COL28A1: variants seen among roughly 807,000 people sequenced by gnomAD.
The protein encoded by COL28A1 is collagen alpha-1(XXVIII) chain.
A neutral mutation model predicts 150.2 loss-of-function variants in COL28A1; 161 were observed. The observed-to-expected ratio is 1.07, with a 90% confidence interval of 0.94 to 1.22. The LOEUF is 1.22. Ranked by LOEUF, COL28A1 falls within the 50% of genes most tolerant of loss-of-function variation. The pLI, the probability that COL28A1 is intolerant of heterozygous loss-of-function variation, is 0.00. For synonymous variants in COL28A1, 552 were observed against 469.7 expected (o/e 1.18, Z -2.26); for missense variants, 1,617 against 1,388.3 (o/e 1.16, Z -2.62).
chr7:7,364,349 A>G (rs1399274671), intron 33 of COL28A1, among the ~76,000 whole-genome samples: 1 of 152,226 alleles, frequency 6.6e-6, no homozygotes, highest in African/African-American at 2.4e-5. Flanking sequence ...CCCTCCTCAG[A>G]AAATCAGGGT....
intron 13 of COL28A1, among the ~76,000 whole-genome samples, chr7:7,486,429 ATTTCTT>A (rs1292332417): frequency 6.6e-6 from 1 of 152,120 alleles, no homozygotes; most frequent in African/African-American, 2.4e-5. Context: ...AATGCCTTAT[ATTTCTT>A]TTTCTTGTCT....
At chr7:7,404,333 A>T (rs954012902) in intron 27 of COL28A1, among the ~76,000 whole-genome samples, 1 of 151,966 alleles carries the variant, frequency 6.6e-6, no homozygotes, top group Non-Finnish European at 1.5e-5. Flanking sequence ...TCTTTCAAAG[A>T]GTAAGTCAGA....
Position 7,392,113 on chromosome 7 carries a change from T to C in COL28A1, c.2137-10501A>G, listed in dbSNP as rs1012458711. Among the ~76,000 whole-genome samples, 95 of 152,356 alleles carry C rather than the reference T, an allele frequency of 6.2e-4. 1 individual carries two copies. The highest frequency in any genetic ancestry group is 2.2e-3 in the African/African-American group (91 of 41,582). Reference sequence around the variant, plus strand: ...TTGGTATGTTTCTGGCATTGGCTGGTGCTGGTTGTTCCTTTCCATGTTTAG... The same window carrying C: ...TTGGTATGTTTCTGGCATTGGCTGGCGCTGGTTGTTCCTTTCCATGTTTAG... On this transcript the variant is annotated intron_variant, in intron 27 of 34. Transcript: ENST00000399429.
At chr7:7,523,096 A>C (rs1307924532) in intron 4 of COL28A1, among the ~76,000 whole-genome samples, 2 of 152,106 alleles carry the variant, frequency 1.3e-5, no homozygotes, top group African/African-American at 4.8e-5. Flanking sequence ...TATAAAATAA[A>C]AAGTGCAATT....
chr7:7,412,631 C>A (rs145447980), intron 27 of COL28A1, among the ~76,000 whole-genome samples: 1 of 152,102 alleles, frequency 6.6e-6, no homozygotes, highest in East Asian at 1.9e-4. Flanking sequence ...TTCAATCATT[C>A]CTCACAACAA....
the COL28A1 span, among the ~76,000 whole-genome samples, chr7:7,543,664 C>A: frequency 6.6e-6 from 1 of 152,026 alleles, no homozygotes; most frequent in East Asian, 1.9e-4. Context: ...TGGATGCAAA[C>A]AACTTCAAGT....
Position 7,402,580 on chromosome 7 carries a change from G to A in COL28A1, c.2136+15279C>T, listed in dbSNP as rs112685681. 4.5e-4 allele frequency among the ~76,000 whole-genome samples: 68 copies of A among 152,274 alleles called. 3 individuals are homozygous for A. Among genetic ancestry groups the A allele is most frequent in the African/African-American group, 1.6e-3 (67 of 41,552 alleles). On this transcript the variant is annotated intron_variant, in intron 27 of 34. Transcript: ENST00000399429. ...TCTCACTATGAGATGAGATGAAAAC[G>A]TTGACACCAGTTCTATCAGGCACTA...
chr7:7,473,961 GTATA>G (rs1016566914), intron 15 of COL28A1, among the ~76,000 whole-genome samples: 1 of 148,040 alleles, frequency 6.8e-6, no homozygotes, highest in Admixed American at 6.8e-5. Context: ...TATATATACA[GTATA>G]TATAGTGTGT....
intron 13 of COL28A1, among the ~76,000 whole-genome samples, chr7:7,479,912 A>G (rs1331533501): frequency 6.6e-6 from 1 of 152,218 alleles, no homozygotes; most frequent in South Asian, 2.1e-4. Flanking sequence ...GTAGTAAAGG[A>G]ACTTACAACA....
intron 23 of COL28A1, among the ~76,000 whole-genome samples, chr7:7,436,144 C>T (rs1328044050): frequency 6.6e-6 from 1 of 152,158 alleles, no homozygotes; most frequent in African/African-American, 2.4e-5. Flanking sequence ...GTATCACTGA[C>T]AGTGCAAAAG....
upstream of COL28A1, among the ~76,000 whole-genome samples, chr7:7,537,212 C>T (rs1583597960): frequency 1.3e-5 from 2 of 152,260 alleles, no homozygotes; most frequent in African/African-American, 4.8e-5. Context: ...AGGAACCAGC[C>T]CTGGACAGGA....
chr7:7,401,204 T>A (rs927134168), intron 27 of COL28A1, among the ~76,000 whole-genome samples: 1 of 152,108 alleles, frequency 6.6e-6, no homozygotes, highest in Admixed American at 6.6e-5. Context: ...ATCTCAGCCT[T>A]CTTTGCCAGG....
chr7:7,470,722 C>A (rs1788336346), intron 15 of COL28A1, among the ~76,000 whole-genome samples: 1 of 107,774 alleles, frequency 9.3e-6, no homozygotes, highest in Non-Finnish European at 1.8e-5. Context: ...AAATGTCCAA[C>A]AATGATAGAC....
chr7:7,513,397 C>G (rs1262580426), intron 8 of COL28A1, among the ~76,000 whole-genome samples: 1 of 152,184 alleles, frequency 6.6e-6, no homozygotes, highest in Non-Finnish European at 1.5e-5. Context: ...TTTCCATTAA[C>G]CTGACATTTC....
intron 27 of COL28A1, among the ~76,000 whole-genome samples, chr7:7,416,331 A>C (rs573159448): frequency 6.6e-6 from 1 of 152,226 alleles, no homozygotes; most frequent in Admixed American, 6.5e-5. Context: ...AAGCCAGATA[A>C]GTTATAGTCG....
intron 21 of COL28A1, among the ~76,000 whole-genome samples, chr7:7,439,136 T>C (rs900272229): frequency 6.6e-6 from 1 of 152,224 alleles, no homozygotes; most frequent in African/African-American, 2.4e-5. Flanking sequence ...TCCTGCTTCC[T>C]CCAGCAGGGA....
intron 3 of COL28A1, among the ~76,000 whole-genome samples, chr7:7,529,504 G>A (rs1201744924): frequency 6.6e-6 from 1 of 152,158 alleles, no homozygotes; most frequent in Non-Finnish European, 1.5e-5. Flanking sequence ...ACAAGCTGAA[G>A]TCGCCGGATG....
chr7:7,454,352 G>A (rs761379838), intron 16 of COL28A1, among the ~76,000 whole-genome samples: 1 of 152,140 alleles, frequency 6.6e-6, no homozygotes. Flanking sequence ...TAACTGCATA[G>A]ACAGAGGTTA....
chr7:7,486,075 T>G (rs553988737), intron 13 of COL28A1, among the ~76,000 whole-genome samples: 1 of 152,314 alleles, frequency 6.6e-6, no homozygotes, highest in East Asian at 1.9e-4. Flanking sequence ...TGTTGAGTCT[T>G]CTAATCTGTA....
Sources: gnomAD v4.1 joint callset for allele counts (sites outside exome capture counted in the v4.1 genomes callset) on GRCh38, gnomAD v4.1.1 for gene constraint, MANE v1.5 for transcripts, NCBI Gene and HGNC (gene_info 2026-07-23, HGNC 2026-07-21) for gene names.